Variants in SLIT3 observed in about 807,000 individuals in gnomAD.
The protein encoded by SLIT3 is slit homolog 3 protein.
Under a neutral mutation model 184.0 loss-of-function variants are expected in SLIT3, and 68 were observed. The ratio of observed to expected loss-of-function variants is 0.37; its 90% CI spans 0.30 to 0.45. The LOEUF (loss-of-function observed/expected upper bound fraction) is 0.45, where lower values mean the gene tolerates loss of function less well. SLIT3 is among the 20% of genes least tolerant of loss of function. SLIT3 has a pLI of 1.00. For missense variants in SLIT3, 1,707 were observed against 2,026.0 expected, an observed-to-expected ratio of 0.84 and a Z score of 3.02; for synonymous variants, 831 against 828.6, an observed-to-expected ratio of 1.00 and a Z score of -0.05.
At chr5:168,770,749 C>T (rs189005734) in intron 14 of SLIT3, among the ~76,000 whole-genome samples, 3 of 152,252 alleles carry the variant, frequency 2.0e-5, no homozygotes, top group Non-Finnish European at 2.9e-5. Context: ...TCCCCTCCCC[C>T]ACATAGGAAA....
At chr5:169,031,606 A>C (rs1757028807) in intron 4 of SLIT3, among the ~76,000 whole-genome samples, 1 of 152,212 alleles carries the variant, frequency 6.6e-6, no homozygotes, top group African/African-American at 2.4e-5. Flanking sequence ...TGATGCAGCA[A>C]GTGTTTGTCC....
chr5:168,852,629 C>T (rs1758720172), intron 5 of SLIT3, among the ~76,000 whole-genome samples: 1 of 152,240 alleles, frequency 6.6e-6, no homozygotes, highest in Non-Finnish European at 1.5e-5. Flanking sequence ...CCTTTAAAAA[C>T]ATCACATAGA....
At chr5:168,943,107 C>A (rs1444035863) in intron 4 of SLIT3, among the ~76,000 whole-genome samples, 5 of 152,070 alleles carry the variant, frequency 3.3e-5, no homozygotes, top group Non-Finnish European at 7.4e-5. Context: ...TACATCTTTC[C>A]ACTGACACCA....
chr5:168,794,515 G>A (rs984769887), intron 10 of SLIT3, among the ~76,000 whole-genome samples: 10 of 152,162 alleles, frequency 6.6e-5, no homozygotes, highest in East Asian at 1.9e-4. Flanking sequence ...CAATGGTGCC[G>A]TCCAGGCTGC....
intron 12 of SLIT3, among the ~76,000 whole-genome samples, chr5:168,780,437 A>G (rs1461390983): frequency 6.6e-6 from 1 of 152,222 alleles, no homozygotes; most frequent in African/African-American, 2.4e-5. Flanking sequence ...TTTCATGAAC[A>G]CTCAGATGCA....
chr5:169,045,012 T>C (rs938459491), intron 4 of SLIT3, among the ~76,000 whole-genome samples: 1 of 152,212 alleles, frequency 6.6e-6, no homozygotes, highest in Non-Finnish European at 1.5e-5. Context: ...TCCTCCATGG[T>C]TCACAGGTTT....
chr5:169,166,160 C>CCTT (rs4042729), intron 4 of SLIT3, among the ~76,000 whole-genome samples: 119,329 of 151,664 alleles, frequency 0.79, 47,203 homozygotes, highest in East Asian at 0.89. Context: ...ATTTTTTTCT[C>CCTT]CTCCTCCTCT....
Position 168,813,403 on chromosome 5 carries a change from T to C in SLIT3, c.793+3897A>G, listed in dbSNP as rs375145883. On this transcript the variant is annotated intron_variant, in intron 8 of 35. Transcript: ENST00000519560. ...ATCATGAACTTTGATAAAGTTCTGG[T>C]CGGGTTCAGGCCACAAGCAACCAGA... is the stretch of plus-strand genomic sequence containing the variant. Among the ~76,000 whole-genome samples, 32 of 151,690 alleles carry C rather than the reference T, an allele frequency of 2.1e-4. No individual in the cohort carries two copies. In the South Asian group the frequency reaches 6.3e-3, roughly 30 times the overall value.
At chr5:169,237,329 C>T (rs1201715658) in intron 3 of SLIT3, among the ~76,000 whole-genome samples, 1 of 152,184 alleles carries the variant, frequency 6.6e-6, no homozygotes, top group Non-Finnish European at 1.5e-5. Flanking sequence ...ACGTATCCAC[C>T]ATTTCATTAT....
intron 4 of SLIT3, among the ~76,000 whole-genome samples, chr5:168,888,770 C>A (rs1329010748): frequency 6.6e-6 from 1 of 152,168 alleles, no homozygotes; most frequent in African/African-American, 2.4e-5. Flanking sequence ...ATCTTCAAAG[C>A]ATTTATGTTT....
At chr5:168,803,231 T>G (rs1756831750) in intron 9 of SLIT3, among the ~76,000 whole-genome samples, 1 of 152,210 alleles carries the variant, frequency 6.6e-6, no homozygotes, top group Non-Finnish European at 1.5e-5. Context: ...TATCATTTTA[T>G]AAAATAAAAG....
Position 169,271,532 on chromosome 5 carries a change from G to T in SLIT3, c.198-20073C>A, listed in dbSNP as rs544122525. 3.3e-5 allele frequency among the ~76,000 whole-genome samples: 5 copies of T among 152,300 alleles called. No homozygotes were observed. The East Asian group carries it at 9.7e-4, about 29-fold the overall frequency. ...GTGCTGGTGCACGGGGCATTGCGAG[G>T]GGGTAGAGGGTTTCAGGAAGGAGGC... On this transcript the variant is annotated intron_variant, in intron 1 of 35. Coordinates refer to ENST00000519560, the MANE Select transcript of SLIT3 (RefSeq NM_003062.4).
chr5:169,092,201 T>C (rs1251650937), intron 4 of SLIT3, among the ~76,000 whole-genome samples: 2 of 151,954 alleles, frequency 1.3e-5, no homozygotes, highest in Non-Finnish European at 2.9e-5. Context: ...CCAGTCTGGG[T>C]GACAAGAGTG....
chr5:168,754,027 T>C lies in SLIT3; in HGVS notation c.1686-20A>G. The C allele has an allele frequency of 6.5e-7, 1 of 1,547,052 alleles. No homozygotes were observed. Among genetic ancestry groups the C allele is most frequent in the African/African-American group, 1.4e-5 (1 of 73,444 alleles). On this transcript the variant is annotated intron_variant, in intron 16 of 35. Coordinates refer to ENST00000519560, the MANE Select transcript of SLIT3 (RefSeq NM_003062.4). ...AGATTTCTAGAAGGAAGAAACAGAA[T>C]AGGGGAGAATCAAAAGGAGCAGATG... is the stretch of plus-strand genomic sequence containing the variant.
rs1436560947 is a variant in SLIT3, at chr5:169,244,792, C to G, written c.270-16G>C. The G allele has an allele frequency of 1.2e-6, 2 of 1,612,364 alleles. No individual in the cohort carries two copies. Among genetic ancestry groups the G allele is most frequent in the South Asian group, 1.1e-5 (1 of 91,050 alleles). ...TTCCAGATGCCTACAACCACAGAGA[C>G]AGCAATGACTAAGGACAAAGCTGGG... On this transcript the variant is annotated splice_polypyrimidine_tract_variant and intron_variant, in intron 2 of 35. Coordinates refer to ENST00000519560, the MANE Select transcript of SLIT3 (RefSeq NM_003062.4).
intron 4 of SLIT3, among the ~76,000 whole-genome samples, chr5:168,910,894 G>A (rs1386842478): frequency 1.3e-5 from 2 of 152,062 alleles, no homozygotes; most frequent in Non-Finnish European, 2.9e-5. Context: ...CCTTCAGAAG[G>A]GCAACTAGAG....
Position 168,753,974 on chromosome 5 carries a change from T to C in SLIT3, c.1719A>G (p.Arg573=), listed in dbSNP as rs1219387816. Residue 573 remains arginine (R), a synonymous_variant, in exon 17 of 36, where the codon CGA becomes CGG. Transcript: ENST00000519560. ...TGGCTGCTCCATCGAAAGCTCCCTC[T>C]CGCACCTCCTTGATCTTATTGTTAC... ...NLSNNKIKEV[R]EGAFDGAASV... The C allele has an allele frequency of 6.2e-7, 1 of 1,606,148 alleles. No individual in the cohort carries two copies. The highest frequency in any genetic ancestry group is 8.5e-7 in the Non-Finnish European group (1 of 1,178,250).
At chr5:168,801,454 T>G (rs969918400) in intron 9 of SLIT3, among the ~76,000 whole-genome samples, 5 of 152,312 alleles carry the variant, frequency 3.3e-5, no homozygotes, top group African/African-American at 1.2e-4. Context: ...CTATTTCCCC[T>G]GCCAGATGCT....
rs1346439661 is a variant in SLIT3 at position 169,300,147 on chromosome 5, G to GC, written c.197+365dup. 1.3e-5 allele frequency among the ~76,000 whole-genome samples: 2 copies of GC among 152,092 alleles called. No homozygotes were observed. Among genetic ancestry groups the GC allele is most frequent in the African/African-American group, 4.8e-5 (2 of 41,420 alleles). ...CATCCTATAGCTTTCTCCTTCGCCC[G>GC]CCCCCCTTTTTAACGAGCGCAGACC... On this transcript the variant is annotated intron_variant, in intron 1 of 35. Coordinates refer to ENST00000519560, the MANE Select transcript of SLIT3 (RefSeq NM_003062.4). This position sits in a 1 kb window ranked among gnomAD's most constrained non-coding sequence, Gnocchi z 4.1.
Sources: allele counts gnomAD v4.1 joint callset (sites outside exome capture counted in the v4.1 genomes callset), GRCh38; gene constraint gnomAD v4.1.1; non-coding constraint Gnocchi (gnomAD v3.1); transcripts MANE v1.5; gene names NCBI Gene and HGNC (gene_info 2026-07-23, HGNC 2026-07-21).